Variants in N4BP2 observed in about 807,000 individuals in gnomAD.
The protein encoded by N4BP2 is NEDD4 binding protein 2.
In N4BP2, 91 loss-of-function variants were observed where a neutral mutation model predicts 152.8. The observed-to-expected ratio is 0.60, with a 90% CI of 0.50 to 0.71. N4BP2 has a LOEUF of 0.71. Ranked by LOEUF, N4BP2 falls within the 30% of genes least tolerant of loss-of-function variation. The pLI, the probability that N4BP2 is intolerant of heterozygous loss-of-function variation, is 0.00. For missense variants in N4BP2, 1,923 were observed against 2,059.1 expected (o/e 0.93, Z 1.28); for synonymous variants, 646 against 705.3 (o/e 0.92, Z 1.33).
chr4:40,154,041 G>C (rs1721398522), intron 17 of N4BP2, 151 bp from the exon 18 acceptor site: 2 of 578,436 alleles, frequency 3.5e-6, no homozygotes, highest in Admixed American at 7.4e-5. Context: ...CACAAACCTA[G>C]ATGTTGGTCT....
Position 40,097,417 on chromosome 4 carries a change from G to T in N4BP2, c.77G>T (p.Ser26Ile). Residue 26 changes from serine (S) to isoleucine (I), a missense_variant, in exon 3 of 18, where the codon AGT (serine) becomes ATT (isoleucine). Physicochemically the swap from Ser to Ile is moderately radical, Grantham distance 142. Transcript: ENST00000261435. Reference sequence around the variant, plus strand: ...AACCCTAAGGAAGTTGTCGTATCCAGTGTTGCTAGTCGTGAGGAGCCAACC... The same window carrying T: ...AACCCTAAGGAAGTTGTCGTATCCATTGTTGCTAGTCGTGAGGAGCCAACC... ...TANPKEVVVS[S>I]VASREEPTTT... 1 of 1,614,134 alleles carries T rather than the reference G, an allele frequency of 6.2e-7. No homozygotes were observed. Among genetic ancestry groups the T allele is most frequent in the South Asian group, 1.1e-5 (1 of 91,080 alleles).
chr4:40,092,645 C>CTTTTTTTTTTTTTTTTTTTTTTTTTTTTT (rs34819122), intron 2 of N4BP2, among the ~76,000 whole-genome samples: 1 of 120,456 alleles, frequency 8.3e-6, no homozygotes. Flanking sequence ...TTATTATTTC[C>CTTTTTTTTTTTTTTTTTTTTTTTTTTTTT]TTTTTTTTTT....
At chr4:40,119,898 C>A in intron 8 of N4BP2, 34 bp from the exon 9 acceptor site, 1 of 1,059,904 alleles carries the variant, frequency 9.4e-7, no homozygotes, top group Non-Finnish European at 1.4e-6. Flanking sequence ...CATTAAGAGA[C>A]TTTCTCATGA....
chr4:40,104,037 C>T (rs1000450354), intron 4 of N4BP2, among the ~76,000 whole-genome samples: 4 of 152,070 alleles, frequency 2.6e-5, no homozygotes, highest in African/African-American at 9.7e-5. Flanking sequence ...TCACTGCAAG[C>T]TCCGCCTCCC....
chr4:40,181,196 T>C, the N4BP2 span, among the ~76,000 whole-genome samples: 1 of 152,030 alleles, frequency 6.6e-6, no homozygotes, highest in Non-Finnish European at 1.5e-5. Flanking sequence ...TTGCCCTTGT[T>C]CTCTCCCCTA....
intron 4 of N4BP2, among the ~76,000 whole-genome samples, chr4:40,103,861 A>C (rs896997136): frequency 2.0e-5 from 3 of 152,152 alleles, no homozygotes; most frequent in Non-Finnish European, 2.9e-5. Context: ...TAATGGTTTC[A>C]GTGGCACTCC....
intron 8 of N4BP2, 30 bp from the exon 9 acceptor site, chr4:40,119,901 TC>T (rs751760503): frequency 9.2e-7 from 1 of 1,089,638 alleles, no homozygotes; most frequent in African/African-American, 1.6e-5. Context: ...TAAGAGACTT[TC>T]TCATGATACT....
chr4:40,177,046 C>T, the N4BP2 span, among the ~76,000 whole-genome samples: 1 of 152,200 alleles, frequency 6.6e-6, no homozygotes, highest in Admixed American at 6.5e-5. Context: ...AGGAAGAGTC[C>T]TGCAACATCA....
At chr4:40,146,793 T>G (rs1720558340) in intron 16 of N4BP2, among the ~76,000 whole-genome samples, 1 of 151,708 alleles carries the variant, frequency 6.6e-6, no homozygotes, top group South Asian at 2.1e-4. Flanking sequence ...CTTGTACCCT[T>G]TGACCAGCAT....
chr4:40,058,028 G>C (rs1342574294), intron 1 of N4BP2, among the ~76,000 whole-genome samples: 1 of 152,180 alleles, frequency 6.6e-6, no homozygotes, highest in African/African-American at 2.4e-5. Flanking sequence ...AGGGCTGCTT[G>C]CCTGGAGACT....
intron 4 of N4BP2, among the ~76,000 whole-genome samples, chr4:40,106,441 C>G (rs1221705249): frequency 6.6e-6 from 1 of 152,158 alleles, no homozygotes; most frequent in Non-Finnish European, 1.5e-5. Context: ...CTTAGCTTCC[C>G]AAGCAGCTGG....
chr4:40,060,627 G>C (rs1041554698), intron 1 of N4BP2, among the ~76,000 whole-genome samples: 2 of 149,006 alleles, frequency 1.3e-5, no homozygotes, highest in African/African-American at 5.0e-5. Flanking sequence ...TTTTGAGACA[G>C]GGTCTCCCTC....
intron 5 of N4BP2, among the ~76,000 whole-genome samples, chr4:40,109,221 C>T (rs538633927): frequency 6.6e-6 from 1 of 152,056 alleles, no homozygotes; most frequent in East Asian, 1.9e-4. Flanking sequence ...ATTAAGAATT[C>T]AGGAATCTGA....
intron 14 of N4BP2, 40 bp from the exon 15 acceptor site, chr4:40,142,633 A>T (rs1257500447): frequency 9.0e-6 from 13 of 1,445,886 alleles, no homozygotes; most frequent in Admixed American, 2.2e-5. Flanking sequence ...TTTTTTTTTT[A>T]ACTTTCTGTG....
the N4BP2 span, among the ~76,000 whole-genome samples, chr4:40,166,263 A>G: frequency 6.6e-6 from 1 of 152,250 alleles, no homozygotes; most frequent in African/African-American, 2.4e-5. Context: ...GGATTCTGTA[A>G]GAAACTGAAC....
intron 12 of N4BP2, among the ~76,000 whole-genome samples, chr4:40,128,239 G>T (rs909118978): frequency 6.6e-5 from 10 of 152,302 alleles, no homozygotes; most frequent in African/African-American, 2.4e-4. Context: ...ATAATTCTTA[G>T]ATGGTGTTCT....
At chr4:40,130,966 C>T (rs184287900) in intron 12 of N4BP2, among the ~76,000 whole-genome samples, 104 of 151,816 alleles carry the variant, frequency 6.9e-4, no homozygotes, top group Non-Finnish European at 1.0e-3. Flanking sequence ...TAGAGCAGAT[C>T]CAAATATGAA....
the N4BP2 span, among the ~76,000 whole-genome samples, chr4:40,165,899 A>G: frequency 6.6e-6 from 1 of 151,984 alleles, no homozygotes; most frequent in African/African-American, 2.4e-5. Context: ...CTCTGTCTCT[A>G]TTTCTTCCTC....
intron 14 of N4BP2, among the ~76,000 whole-genome samples, chr4:40,140,063 A>C (rs1034254555): frequency 1.3e-5 from 2 of 151,972 alleles, no homozygotes; most frequent in African/African-American, 4.8e-5. Context: ...AAGTGCTGGG[A>C]TTACAGGCGT....
Sources: gnomAD v4.1 joint callset for allele counts (sites outside exome capture counted in the v4.1 genomes callset) on GRCh38, gnomAD v4.1.1 for gene constraint, MANE v1.5 for transcripts, NCBI Gene and HGNC (gene_info 2026-07-23, HGNC 2026-07-21) for gene names.